The following AGBL4 variants were observed in gnomAD, a reference collection of about 807,000 sequenced individuals.
The protein encoded by AGBL4 is cytosolic carboxypeptidase 6.
A neutral mutation model predicts 66.4 loss-of-function variants in AGBL4; 58 were observed. The observed-to-expected ratio is 0.87, with a 90% CI of 0.71 to 1.09. The LOEUF is 1.09. Among genes scored for constraint, AGBL4 ranks in the 50% least tolerant of loss-of-function variants. The pLI is 0.00. For missense variants in AGBL4, 579 were observed against 631.0 expected, an observed-to-expected ratio of 0.92 and a Z score of 0.88; for synonymous variants, 234 against 222.9, an observed-to-expected ratio of 1.05 and a Z score of -0.44.
At chr1:49,962,060 G>A (rs1171217870) in intron 1 of AGBL4, among the ~76,000 whole-genome samples, 2 of 152,050 alleles carry the variant, frequency 1.3e-5, no homozygotes, top group African/African-American at 2.4e-5. Flanking sequence ...AGAGAAGCTC[G>A]GATGCTGCTT....
chr1:49,389,855 T>C (rs916486796), intron 3 of AGBL4, among the ~76,000 whole-genome samples: 2 of 152,170 alleles, frequency 1.3e-5, no homozygotes, highest in African/African-American at 4.8e-5. Context: ...ATTATGTCAT[T>C]TTTAATACTT....
chr1:49,564,148 T>A (rs1318695990), intron 3 of AGBL4, among the ~76,000 whole-genome samples: 3 of 152,216 alleles, frequency 2.0e-5, no homozygotes, highest in Non-Finnish European at 4.4e-5. Flanking sequence ...GTGGGATCGG[T>A]GGTGATGTCC....
At chr1:49,592,986 T>C (rs1458705185) in intron 3 of AGBL4, among the ~76,000 whole-genome samples, 5 of 152,220 alleles carry the variant, frequency 3.3e-5, no homozygotes, top group Non-Finnish European at 5.9e-5. Context: ...CTTATCCTAA[T>C]TAAAAATCTA....
intron 9 of AGBL4, among the ~76,000 whole-genome samples, chr1:48,612,507 G>A (rs1007254776): frequency 2.0e-5 from 3 of 152,136 alleles, no homozygotes; most frequent in African/African-American, 4.8e-5. Flanking sequence ...AAGGCAGGGA[G>A]GCTTCTTTCT....
At chr1:48,529,859 T>C (rs369172029), downstream of AGBL4, among the ~76,000 whole-genome samples, 5 of 152,056 alleles carry the variant, frequency 3.3e-5, no homozygotes, top group African/African-American at 1.2e-4. Context: ...GCCCCTTGCC[T>C]AAACGCTGCT....
At chr1:48,764,843 CG>C (rs1293256790) in intron 6 of AGBL4, among the ~76,000 whole-genome samples, 1 of 152,168 alleles carries the variant, frequency 6.6e-6, no homozygotes, top group Non-Finnish European at 1.5e-5. Context: ...AAAGGTGCAG[CG>C]GATGACAGAG....
At chr1:49,057,181 C>T (rs557544261) in intron 4 of AGBL4, among the ~76,000 whole-genome samples, 4 of 152,176 alleles carry the variant, frequency 2.6e-5, no homozygotes, top group Non-Finnish European at 5.9e-5. Flanking sequence ...CAGGTGGATC[C>T]CTTGAGCTCA....
intron 1 of AGBL4, among the ~76,000 whole-genome samples, chr1:49,879,566 C>T (rs369957713): frequency 2.0e-5 from 3 of 147,124 alleles, no homozygotes; most frequent in South Asian, 2.2e-4. Context: ...GAGGGTAACC[C>T]GACCTTTCTC....
At chr1:49,413,538 A>G (rs1440706805) in intron 3 of AGBL4, among the ~76,000 whole-genome samples, 1 of 152,230 alleles carries the variant, frequency 6.6e-6, no homozygotes, top group Non-Finnish European at 1.5e-5. Context: ...GGTGAAGCCC[A>G]AGTTGCAAAG....
At chr1:49,082,803 T>C (rs1644830992) in intron 4 of AGBL4, among the ~76,000 whole-genome samples, 1 of 152,178 alleles carries the variant, frequency 6.6e-6, no homozygotes, top group Non-Finnish European at 1.5e-5. Flanking sequence ...CAACATCTCA[T>C]CTGAAACAAG....
chr1:49,045,102 G>T (rs1454421683), intron 5 of AGBL4, among the ~76,000 whole-genome samples: 3 of 152,162 alleles, frequency 2.0e-5, no homozygotes, highest in Non-Finnish European at 2.9e-5. Flanking sequence ...CAGAGACAGG[G>T]CACATTGTGG....
chr1:49,064,835 G>A (rs1644464004), intron 4 of AGBL4, among the ~76,000 whole-genome samples: 1 of 152,062 alleles, frequency 6.6e-6, no homozygotes, highest in Non-Finnish European at 1.5e-5. Context: ...AAAACAAGCA[G>A]ATTATATTAA....
At chr1:48,996,817 C>CCCTTCCTCCCTTCCTTCCTT (rs1553137072) in intron 5 of AGBL4, among the ~76,000 whole-genome samples, 1 of 147,756 alleles carries the variant, frequency 6.8e-6, no homozygotes, top group Non-Finnish European at 1.5e-5. Flanking sequence ...CTTCCTTCCT[C>CCCTTCCTCCCTTCCTTCCTT]CCTTCCTTCC....
At chr1:49,943,289 T>C (rs895148436) in intron 1 of AGBL4, among the ~76,000 whole-genome samples, 5 of 152,096 alleles carry the variant, frequency 3.3e-5, no homozygotes, top group Non-Finnish European at 7.4e-5. Flanking sequence ...CAGGAGTAGA[T>C]TGCAGTTCCC....
intron 6 of AGBL4, among the ~76,000 whole-genome samples, chr1:48,750,341 G>A (rs981741086): frequency 2.0e-5 from 3 of 152,094 alleles, no homozygotes; most frequent in Admixed American, 2.0e-4. Flanking sequence ...ACTTCACTGT[G>A]CCGTCCAACC....
chr1:49,499,889 C>G (rs1048611683), intron 3 of AGBL4, among the ~76,000 whole-genome samples: 27 of 151,876 alleles, frequency 1.8e-4, no homozygotes, highest in African/African-American at 6.3e-4. Context: ...GTAGGTAACC[C>G]AGTAGTGGGA....
intron 4 of AGBL4, among the ~76,000 whole-genome samples, chr1:49,107,737 C>T (rs866725398): frequency 9.4e-6 from 1 of 105,842 alleles, no homozygotes; most frequent in African/African-American, 4.4e-5. Flanking sequence ...GAGAGAGAGA[C>T]AATATTTACA....
chr1:48,742,040 A>G (rs976598862), intron 6 of AGBL4, among the ~76,000 whole-genome samples: 5 of 152,246 alleles, frequency 3.3e-5, no homozygotes, highest in Non-Finnish European at 7.3e-5. Context: ...TCAAGGTCAT[A>G]TAAATAACGC....
chr1:49,861,883 C>T (rs898718652), intron 1 of AGBL4, among the ~76,000 whole-genome samples: 2 of 152,172 alleles, frequency 1.3e-5, no homozygotes, highest in African/African-American at 4.8e-5. Context: ...GCACCCAAGT[C>T]CTTTTGAATA....
Sources: allele counts gnomAD v4.1 joint callset (sites outside exome capture counted in the v4.1 genomes callset), GRCh38; gene constraint gnomAD v4.1.1; transcripts MANE v1.5; gene names NCBI Gene and HGNC (gene_info 2026-07-23, HGNC 2026-07-21).